The following DCAF1 variants were observed in gnomAD, a reference collection of about 807,000 sequenced individuals.
DCAF1 encodes DDB1- and CUL4-associated factor 1.
A neutral mutation model predicts 128.0 loss-of-function variants in DCAF1; 15 were observed. The observed-to-expected ratio is 0.12, with a 90% CI of 0.08 to 0.18. The LOEUF (loss-of-function observed/expected upper bound fraction) is 0.18, where lower values mean the gene tolerates loss of function less well. Ranked by LOEUF, DCAF1 falls within the 10% of genes least tolerant of loss-of-function variation. The pLI, the probability that DCAF1 is intolerant of heterozygous loss-of-function variation, is 1.00. For missense variants in DCAF1, 988 were observed against 1,649.5 expected (o/e 0.60, Z 6.95); for synonymous variants, 610 against 603.0 (o/e 1.01, Z -0.17).
At chr3:51,483,621 G>GTGTA (rs1422827467) in intron 3 of DCAF1, 98 bp downstream of exon 3, 1 of 780,230 alleles carries the variant, frequency 1.3e-6, no homozygotes, top group African/African-American at 1.7e-5. Context: ...GTGTGTGTGT[G>GTGTA]TGTGTGTGTG....
At chr3:51,415,338 C>CA (rs1342187563) in intron 18 of DCAF1, among the ~76,000 whole-genome samples, 2 of 151,826 alleles carry the variant, frequency 1.3e-5, no homozygotes, top group African/African-American at 4.8e-5. Flanking sequence ...TACAAAAATA[C>CA]AAAAAAATTA....
chr3:51,426,825 CA>C (rs1184422001), intron 13 of DCAF1, among the ~76,000 whole-genome samples: 1 of 149,406 alleles, frequency 6.7e-6, no homozygotes, highest in East Asian at 2.2e-4. Context: ...CCATCTTTTT[CA>C]AAACAGTTTT....
At chr3:51,401,166 A>G (rs1444597857) in intron 24 of DCAF1, among the ~76,000 whole-genome samples, 1 of 151,268 alleles carries the variant, frequency 6.6e-6, no homozygotes, top group African/African-American at 2.4e-5. Context: ...TCTCAGAATC[A>G]AGCTGTTTCT....
At chr3:51,423,318 C>G (rs992943253) in intron 13 of DCAF1, among the ~76,000 whole-genome samples, 22 of 151,526 alleles carry the variant, frequency 1.5e-4, no homozygotes, top group Non-Finnish European at 3.2e-4. Flanking sequence ...ATGGCCAAAC[C>G]CTGTCACTAC....
chr3:51,423,543 T>C (rs1577098852), intron 13 of DCAF1, among the ~76,000 whole-genome samples: 1 of 145,722 alleles, frequency 6.9e-6, no homozygotes, highest in South Asian at 2.2e-4. Flanking sequence ...TCAGGCCGGG[T>C]GCAGTGGCTC....
chr3:51,492,966 C>G (rs1450642981), intron 2 of DCAF1, among the ~76,000 whole-genome samples: 1 of 151,776 alleles, frequency 6.6e-6, no homozygotes, highest in Non-Finnish European at 1.5e-5. Context: ...TGCACTCCAT[C>G]CTGGGTGACA....
In DCAF1 at chr3:51,423,788, C is replaced by T. The variant is rs1173712619; in HGVS notation, c.1848-1357G>A. ...TGAGCCAAGATCACACCACTGCACT[C>T]GAGCTTGGTCAACACAGTGAGACTC... is the stretch of plus-strand genomic sequence containing the variant. On this transcript the variant is annotated intron_variant, in intron 13 of 24. Transcript: ENST00000684031. Among the ~76,000 whole-genome samples the T allele has an allele frequency of 2.8e-5, 4 of 143,184 alleles. No individual in the cohort carries two copies. The Admixed American group carries it at 2.9e-4, about 10-fold the overall frequency. The allele number at this position is 143,184 out of a possible 152,430, so 93.9% of individuals were successfully genotyped here. A position where few individuals can be genotyped will look rare whatever the true frequency, so the allele number is the denominator to read the frequency against.
intron 6 of DCAF1, among the ~76,000 whole-genome samples, chr3:51,460,753 GC>G (rs1703460971): frequency 6.6e-6 from 1 of 152,106 alleles, no homozygotes; most frequent in Non-Finnish European, 1.5e-5. Flanking sequence ...CAGAAATAAT[GC>G]CGCATATCTA....
chr3:51,495,048 C>T (rs916948690), intron 2 of DCAF1, among the ~76,000 whole-genome samples: 150 of 148,078 alleles, frequency 1.0e-3, no homozygotes, highest in African/African-American at 3.3e-3. Flanking sequence ...ATAGGCCAGG[C>T]GTGGTGGCTC....
At chr3:51,466,512 ATGC>A (rs1340689640) in intron 5 of DCAF1, among the ~76,000 whole-genome samples, 1 of 152,172 alleles carries the variant, frequency 6.6e-6, no homozygotes, top group Non-Finnish European at 1.5e-5. Flanking sequence ...GTGCAGAATC[ATGC>A]TGTATGCATC....
chr3:51,398,544 G>T lies in DCAF1; in HGVS notation c.*225C>A, dbSNP rs993978286. On this transcript the variant is annotated 3_prime_UTR_variant, in exon 25 of 25. Transcript: ENST00000684031. ...AAATGGTGGGGGGTGGATGTGGGGGGTGCAGAGTAGGGCCTAGTCCCTGTT... is the reference window on the plus strand; with the variant it reads ...AAATGGTGGGGGGTGGATGTGGGGGTTGCAGAGTAGGGCCTAGTCCCTGTT... The T allele has an allele frequency of 2.1e-5, 11 of 536,418 alleles. No individual in the cohort carries two copies. The highest frequency in any genetic ancestry group is 3.3e-5 in the Non-Finnish European group (10 of 305,000). 33.2% of individuals were successfully genotyped at this position (536,418 alleles called of 1,614,324 possible).
intron 11 of DCAF1, 117 bp downstream of exon 11, chr3:51,429,916 A>G: frequency 1.6e-6 from 1 of 622,496 alleles, no homozygotes; most frequent in Non-Finnish European, 2.9e-6. Context: ...CACAAAAAGA[A>G]TGGCAGCAAA....
At chr3:51,480,134 A>C (rs1249508932) in intron 3 of DCAF1, among the ~76,000 whole-genome samples, 1 of 147,984 alleles carries the variant, frequency 6.8e-6, no homozygotes, top group Non-Finnish European at 1.5e-5. Flanking sequence ...AATTTTTTTT[A>C]ATGATGGGGA....
In DCAF1 at chr3:51,425,486, A is replaced by C. The variant is rs185888248; in HGVS notation, c.1847+1886T>G. ...GACTCTGTCTCCAAAACCAACAAAAAAATAAATAAACACAGATGTACCAGT... is the reference window on the plus strand; with the variant it reads ...GACTCTGTCTCCAAAACCAACAAAACAATAAATAAACACAGATGTACCAGT... On this transcript the variant is annotated intron_variant, in intron 13 of 24. Coordinates refer to ENST00000684031, the MANE Select transcript of DCAF1 (RefSeq NM_001387579.1). 3.3e-5 allele frequency among the ~76,000 whole-genome samples: 5 copies of C among 152,040 alleles called. No individual in the cohort carries two copies. The East Asian group carries it at 9.7e-4, about 29-fold the overall frequency.
At chr3:51,489,522 C>T (rs1038321204) in intron 2 of DCAF1, among the ~76,000 whole-genome samples, 14 of 151,920 alleles carry the variant, frequency 9.2e-5, no homozygotes, top group Admixed American at 7.9e-4. Context: ...GGCAAGGTGG[C>T]TCATGCCTGT....
intron 2 of DCAF1, among the ~76,000 whole-genome samples, chr3:51,486,193 CTTT>C (rs35273248): frequency 5.3e-5 from 6 of 113,350 alleles, no homozygotes; most frequent in South Asian, 3.1e-4. Flanking sequence ...CCGGCAGATT[CTTT>C]TTTTTTTTTT....
chr3:51,425,337 T>G (rs751565959), intron 13 of DCAF1, among the ~76,000 whole-genome samples: 2 of 151,794 alleles, frequency 1.3e-5, no homozygotes, highest in Non-Finnish European at 2.9e-5. Flanking sequence ...CTGGGCTTGG[T>G]GGTGCGTGTC....
chr3:51,403,534 G>C, intron 23 of DCAF1, 139 bp from the exon 24 acceptor site: 1 of 1,413,992 alleles, frequency 7.1e-7, no homozygotes, highest in Non-Finnish European at 9.3e-7. Context: ...CAGACTTCAT[G>C]AGCCAGCCAG....
intron 6 of DCAF1, among the ~76,000 whole-genome samples, chr3:51,446,266 C>A (rs1701842435): frequency 6.6e-6 from 1 of 152,074 alleles, no homozygotes; most frequent in African/African-American, 2.4e-5. Flanking sequence ...TCCCAAAGAG[C>A]TGGGATTACA....
Sources: allele counts gnomAD v4.1 joint callset (sites outside exome capture counted in the v4.1 genomes callset), GRCh38; gene constraint gnomAD v4.1.1; transcripts MANE v1.5; gene names NCBI Gene and HGNC (gene_info 2026-07-23, HGNC 2026-07-21).